Variants in MON1B observed in about 807,000 individuals in gnomAD.
The protein encoded by MON1B is MON1 vesicular trafficking associated B.
A neutral mutation model predicts 45.1 loss-of-function variants in MON1B; 26 were observed. The ratio of observed to expected loss-of-function variants is 0.58; its 90% CI spans 0.42 to 0.80. MON1B has a LOEUF of 0.80. Ranked by LOEUF, MON1B falls within the 30% of genes least tolerant of loss-of-function variation. MON1B has a pLI of 0.00. For synonymous variants in MON1B, 395 were observed against 320.2 expected (o/e 1.23, Z -2.49); for missense variants, 737 against 754.5 (o/e 0.98, Z 0.27).
At chr16:77,197,681 T>A (rs2054679973) in intron 5 of MON1B, among the ~76,000 whole-genome samples, 1 of 152,162 alleles carries the variant, frequency 6.6e-6, no homozygotes, top group Admixed American at 6.5e-5. Context: ...AAGGCGCTAG[T>A]GACCTTGTGG....
At position 77,195,166 on chromosome 16, in the gene MON1B, C is replaced by G; in HGVS notation, c.1295+12C>G. 6.4e-7 allele frequency: 1 copy of G among 1,553,702 alleles called. No homozygotes were observed. Among genetic ancestry groups the G allele is most frequent in the Non-Finnish European group, 8.7e-7 (1 of 1,154,724 alleles). ...CCCCAGTTTACCAGGTAGGCCCTGA[C>G]CCTAAGGCAACTGGCTGGGTGGGAA... On this transcript the variant is annotated intron_variant, in intron 4 of 5. Transcript: ENST00000248248.
rs575728266 is a variant in MON1B, at chr16:77,198,286, A to T, written c.1622A>T (p.Asn541Ile). 6.2e-7 allele frequency: 1 copy of T among 1,614,032 alleles called. No homozygotes were observed. Among genetic ancestry groups the T allele is most frequent in the African/African-American group, 1.3e-5 (1 of 75,002 alleles). The part of the protein sequence containing the change: ...PATSTDQAAH[N>I]GLFTGL ...ACCTCTACGGACCAAGCTGCCCATA[A>T]TGGCTTGTTCACTGGACTCTGATAG... The change falls in exon 6 of 6, where the codon AAT becomes ATT. Residue 541 changes from asparagine to isoleucine, a missense_variant. Physicochemically the swap from Asn to Ile is moderately radical, Grantham distance 149. Transcript: ENST00000248248.
At position 77,191,220 on chromosome 16, in the gene MON1B, TAATGG is replaced by T; in HGVS notation, c.-48_-44del. 1 of 1,536,414 alleles carries T rather than the reference TAATGG, an allele frequency of 6.5e-7. No homozygotes were observed. Among genetic ancestry groups the T allele is most frequent in the Non-Finnish European group, 8.7e-7 (1 of 1,146,928 alleles). Reference sequence around the variant, plus strand: ...TGATGCCACCGCCGCTACGGGGAAGTAATGGTATCCGGCCAATTGAGATTCGGAGT... The same window carrying T: ...TGATGCCACCGCCGCTACGGGGAAGTTATCCGGCCAATTGAGATTCGGAGT... On this transcript the variant is annotated 5_prime_UTR_variant, in exon 1 of 6. An upstream start codon of the reference 5' UTR is lost. Transcript: ENST00000248248.
rs552313156 is a variant in MON1B at position 77,199,511 on chromosome 16, A to C, written c.*1203A>C. The C allele has an allele frequency of 6.4e-7, 1 of 1,551,354 alleles. No homozygotes were observed. The highest frequency in any genetic ancestry group is 8.7e-7 in the Non-Finnish European group (1 of 1,146,798). The stretch of plus-strand genomic sequence containing the variant: ...CGCCAGAAGCTACTGAGGAGGCTGA[A>C]GGTAGTGAGGGCAAGTGGGCTGCAC... On this transcript the variant is annotated 3_prime_UTR_variant, in exon 6 of 6. Transcript: ENST00000248248.
At position 77,199,784 on chromosome 16, in the gene MON1B, A is replaced by G. The variant is rs2142506691; in HGVS notation, c.*1476A>G. 1 of 337,174 alleles carries G rather than the reference A, an allele frequency of 3.0e-6. No individual in the cohort carries two copies. The allele number at this position is 337,174 out of a possible 1,614,324, so 20.9% of individuals were successfully genotyped here. On this transcript the variant is annotated 3_prime_UTR_variant, in exon 6 of 6. Coordinates refer to ENST00000248248, the MANE Select transcript of MON1B (RefSeq NM_014940.4). ...CATGTAGTTCAGTACGAAAGTCTTC[A>G]AACAAAAGTGGGGCGGTGGGGATGT...
At position 77,199,081 on chromosome 16, in the gene MON1B, T is replaced by C. The variant is rs1302739365; in HGVS notation, c.*773T>C. On this transcript the variant is annotated 3_prime_UTR_variant, in exon 6 of 6. Transcript: ENST00000248248. ...TGAGGATTTGTAAACGAAAACAGAC[T>C]CGAACTATTGTGTACCACCACATAG... 4.7e-6 allele frequency: 1 copy of C among 213,470 alleles called. No homozygotes were observed. The highest frequency in any genetic ancestry group is 2.3e-5 in the African/African-American group (1 of 43,674). 13.2% of individuals were successfully genotyped at this position (213,470 alleles called of 1,614,324 possible).
At position 77,194,309 on chromosome 16, in the gene MON1B, C is replaced by T. The variant is rs570008931; in HGVS notation, c.476-26C>T. The T allele has an allele frequency of 1.3e-6, 2 of 1,583,988 alleles. No individual in the cohort carries two copies. Among genetic ancestry groups the T allele is most frequent in the South Asian group, 2.2e-5 (2 of 90,698 alleles). On this transcript the variant is annotated intron_variant, in intron 3 of 5. Coordinates refer to ENST00000248248, the MANE Select transcript of MON1B (RefSeq NM_014940.4). This position sits in a 1 kb window ranked among gnomAD's most constrained non-coding sequence, Gnocchi z 8.1. Reference sequence around the variant, plus strand: ...GGTCATTCCTGATCCAGCTGTACCCCCCCTTCTTACCCCTTCCTTCCCTAG... The same window carrying T: ...GGTCATTCCTGATCCAGCTGTACCCTCCCTTCTTACCCCTTCCTTCCCTAG...
Position 77,191,221 on chromosome 16 carries a change from A to C in MON1B, c.-48A>C. ...GATGCCACCGCCGCTACGGGGAAGT[A>C]ATGGTATCCGGCCAATTGAGATTCG... On this transcript the variant is annotated 5_prime_UTR_variant, in exon 1 of 6. Coordinates refer to ENST00000248248, the MANE Select transcript of MON1B (RefSeq NM_014940.4). 2.0e-6 allele frequency: 3 copies of C among 1,536,422 alleles called. No individual in the cohort carries two copies. Among genetic ancestry groups the C allele is most frequent in the Non-Finnish European group, 2.6e-6 (3 of 1,146,910 alleles).
In MON1B at chr16:77,202,341, A is replaced by G. The variant is rs2054751709; in HGVS notation, c.*4033A>G. Reference sequence around the variant, plus strand: ...GGACAAAATGGGAGCACTGTGGCCTATTTTTACAACTTTTGTGTACATCTG... The same window carrying G: ...GGACAAAATGGGAGCACTGTGGCCTGTTTTTACAACTTTTGTGTACATCTG... On this transcript the variant is annotated 3_prime_UTR_variant, in exon 6 of 6. Transcript: ENST00000248248. The G allele has an allele frequency of 6.6e-6, 1 of 152,208 alleles. No individual in the cohort carries two copies. The highest frequency in any genetic ancestry group is 1.5e-5 in the Non-Finnish European group (1 of 68,032). 9.4% of individuals were successfully genotyped at this position (152,208 alleles called of 1,614,324 possible).
chr16:77,198,087 T>A (rs181813955), intron 5 of MON1B, 21 bp from the exon 6 acceptor site: 1 of 1,611,492 alleles, frequency 6.2e-7, no homozygotes, highest in Non-Finnish European at 8.5e-7. Context: ...CATCTGACTC[T>A]GTCTCCTCCG....
chr16:77,195,826 CT>C, intron 5 of MON1B, 144 bp downstream of exon 5: 1 of 941,530 alleles, frequency 1.1e-6, no homozygotes, highest in Non-Finnish European at 1.6e-6. Context: ...CTGTCCCTGC[CT>C]TTACACACAC....
At position 77,199,338 on chromosome 16, in the gene MON1B, CGCTGGCGTAACCGCGG is replaced by C; in HGVS notation, c.*1032_*1047del. 1.9e-6 allele frequency: 2 copies of C among 1,034,188 alleles called. No homozygotes were observed. The highest frequency in any genetic ancestry group is 3.2e-5 in the African/African-American group (2 of 61,936). The allele number at this position is 1,034,188 out of a possible 1,614,324, so 64.1% of individuals were successfully genotyped here. On this transcript the variant is annotated 3_prime_UTR_variant, in exon 6 of 6. Coordinates refer to ENST00000248248, the MANE Select transcript of MON1B (RefSeq NM_014940.4). ...GCCCAGAGCTGACTCCTGATTTAAC[CGCTGGCGTAACCGCGG>C]GTTGCACGCATGCGTGCTGAAAAGC...
Position 77,198,858 on chromosome 16 carries a change from G to A in MON1B, c.*550G>A, listed in dbSNP as rs186324490. 1.8e-5 allele frequency: 3 copies of A among 164,362 alleles called. No individual in the cohort carries two copies. The highest frequency in any genetic ancestry group is 5.5e-5 in the Admixed American group (1 of 18,076). 10.2% of individuals were successfully genotyped at this position (164,362 alleles called of 1,614,324 possible). A position where few individuals can be genotyped will look rare whatever the true frequency, so the allele number is the denominator to read the frequency against. ...ATCTTTACCCTGCCAGAAATGACCC[G>A]CCCTCAATGCTGGCTGCTGCTAACA... On this transcript the variant is annotated 3_prime_UTR_variant, in exon 6 of 6. Coordinates refer to ENST00000248248, the MANE Select transcript of MON1B (RefSeq NM_014940.4).
At chr16:77,197,232 C>A (rs750898077) in intron 5 of MON1B, among the ~76,000 whole-genome samples, 2 of 148,622 alleles carry the variant, frequency 1.3e-5, no homozygotes, top group Non-Finnish European at 3.0e-5. Flanking sequence ...CCCATCTCTA[C>A]TAAAAATACA....
chr16:77,199,156 C>G lies in MON1B; in HGVS notation c.*848C>G, dbSNP rs1412505749. The G allele has an allele frequency of 5.1e-6, 2 of 388,920 alleles. No homozygotes were observed. The highest frequency in any genetic ancestry group is 9.2e-6 in the Non-Finnish European group (2 of 216,896). The allele number at this position is 388,920 out of a possible 1,614,324, so 24.1% of individuals were successfully genotyped here. On this transcript the variant is annotated 3_prime_UTR_variant, in exon 6 of 6. Coordinates refer to ENST00000248248, the MANE Select transcript of MON1B (RefSeq NM_014940.4). ...TGACAACCTGCACAAGACAAGCAGCCTAAAGCAGGAGAGACCTCCCTAGGG... is the reference window on the plus strand; with the variant it reads ...TGACAACCTGCACAAGACAAGCAGCGTAAAGCAGGAGAGACCTCCCTAGGG...
At position 77,194,684 on chromosome 16, in the gene MON1B, G is replaced by T. The variant is rs2054646724; in HGVS notation, c.825G>T (p.Leu275=). ...LRRCTAPGLA[L]SVLAVGGRLI... ...GTTGCACAGCGCCTGGCCTGGCGCTGTCAGTGCTGGCAGTAGGCGGTCGAC... is the reference window on the plus strand; with the variant it reads ...GTTGCACAGCGCCTGGCCTGGCGCTTTCAGTGCTGGCAGTAGGCGGTCGAC... The change falls in exon 4 of 6, where the codon CTG becomes CTT. Residue 275 remains leucine, a synonymous_variant. Coordinates refer to ENST00000248248, the MANE Select transcript of MON1B (RefSeq NM_014940.4). This position sits in a 1 kb window ranked among gnomAD's most constrained non-coding sequence, Gnocchi z 8.1. 1 of 1,613,958 alleles carries T rather than the reference G, an allele frequency of 6.2e-7. No homozygotes were observed. The highest frequency in any genetic ancestry group is 1.7e-5 in the Admixed American group (1 of 60,018).
In MON1B at chr16:77,200,941, C is replaced by T. The variant is rs142047885; in HGVS notation, c.*2633C>T. 6.6e-6 allele frequency: 1 copy of T among 152,150 alleles called. No homozygotes were observed. Among genetic ancestry groups the T allele is most frequent in the African/African-American group, 2.4e-5 (1 of 41,416 alleles). 9.4% of individuals were successfully genotyped at this position (152,150 alleles called of 1,614,324 possible). A position where few individuals can be genotyped will look rare whatever the true frequency, so the allele number is the denominator to read the frequency against. Reference sequence around the variant, plus strand: ...TGTCACCTTTCTGCCCCACTTTTATCTATCTCGAACACCCCTTTCTGCACA... The same window carrying T: ...TGTCACCTTTCTGCCCCACTTTTATTTATCTCGAACACCCCTTTCTGCACA... On this transcript the variant is annotated 3_prime_UTR_variant, in exon 6 of 6. Transcript: ENST00000248248.
At position 77,199,472 on chromosome 16, in the gene MON1B, T is replaced by C; in HGVS notation, c.*1164T>C. The stretch of plus-strand genomic sequence containing the variant: ...GGAAAATGGCGGGGAAGCTGAAACC[T>C]CTGAATGTGGAGGCGCCAGAAGCTA... On this transcript the variant is annotated 3_prime_UTR_variant, in exon 6 of 6. Coordinates refer to ENST00000248248, the MANE Select transcript of MON1B (RefSeq NM_014940.4). The C allele has an allele frequency of 1.3e-6, 2 of 1,550,844 alleles. No homozygotes were observed. The highest frequency in any genetic ancestry group is 1.7e-6 in the Non-Finnish European group (2 of 1,146,492).
At position 77,194,735 on chromosome 16, in the gene MON1B, T is replaced by C; in HGVS notation, c.876T>C (p.Asn292=). The change falls in exon 4 of 6, where the codon AAT becomes AAC. Residue 292 remains asparagine (N), a synonymous_variant. Transcript: ENST00000248248. The surrounding 1 kb of genome is among the most constrained non-coding windows in gnomAD (Gnocchi z 8.1). ...GRLITAAQER[N]VLAECRLDPA... ...TTATAACAGCAGCCCAGGAGCGAAA[T>C]GTGCTGGCCGAGTGCCGGCTGGACC... 1.2e-6 allele frequency: 2 copies of C among 1,613,794 alleles called. No homozygotes were observed. Among genetic ancestry groups the C allele is most frequent in the Non-Finnish European group, 1.7e-6 (2 of 1,179,794 alleles).
Sources: gnomAD v4.1 joint callset for allele counts (sites outside exome capture counted in the v4.1 genomes callset) on GRCh38, gnomAD v4.1.1 for gene constraint, Gnocchi (gnomAD v3.1) non-coding constraint, MANE v1.5 for transcripts, NCBI Gene and HGNC (gene_info 2026-07-23, HGNC 2026-07-21) for gene names.